The following PREX1 variants were observed in gnomAD, a reference collection of about 807,000 sequenced individuals.
The protein encoded by PREX1 is phosphatidylinositol 3,4,5-trisphosphate-dependent Rac exchanger 1 protein.
A neutral mutation model predicts 198.3 loss-of-function variants in PREX1; 41 were observed. The observed-to-expected ratio is 0.21, with a 90% CI of 0.16 to 0.27. PREX1 has a LOEUF of 0.27. PREX1 is among the 10% of genes least tolerant of loss of function. The pLI is 1.00. For synonymous variants in PREX1, 843 were observed against 887.2 expected, an observed-to-expected ratio of 0.95 and a Z score of 0.89; for missense variants, 1,620 against 2,200.7, an observed-to-expected ratio of 0.74 and a Z score of 5.28.
chr20:48,875,586 T>C, the PREX1 span, among the ~76,000 whole-genome samples: 1 of 152,264 alleles, frequency 6.6e-6, no homozygotes, highest in East Asian at 1.9e-4. Context: ...GTGTGATGAC[T>C]CTGGAGGGGA....
intron 8 of PREX1, chr20:48,692,350 AAAATGTTTAGTCAT>A (rs2089823725): frequency 4.4e-6 from 1 of 228,202 alleles, no homozygotes; most frequent in Non-Finnish European, 8.8e-6. Context: ...AATTTTAATT[AAAATGTTTAGTCAT>A]AAATGCTTAG....
chr20:48,637,781 G>A (rs763850556), intron 30 of PREX1, 29 bp from the exon 31 acceptor site: 1 of 1,598,818 alleles, frequency 6.3e-7, no homozygotes, highest in East Asian at 2.2e-5. Flanking sequence ...CAGAAAGGGG[G>A]ACGGGCTGGG....
intron 10 of PREX1, among the ~76,000 whole-genome samples, chr20:48,681,705 C>CGGAT (rs1211026440): frequency 7.3e-5 from 11 of 150,626 alleles, no homozygotes; most frequent in African/African-American, 2.7e-4. Flanking sequence ...GATGGATGGA[C>CGGAT]GGACGGATGG....
chr20:48,708,332 G>A lies in PREX1; in HGVS notation c.711C>T (p.Ile237=). The A allele has an allele frequency of 6.2e-7, 1 of 1,614,162 alleles. No homozygotes were observed. The highest frequency in any genetic ancestry group is 8.5e-7 in the Non-Finnish European group (1 of 1,180,042). The change falls in exon 6 of 40, where the codon ATC becomes ATT. Residue 237 remains isoleucine, a synonymous_variant. Transcript: ENST00000371941. ...TCTCCATCTGCCGCTTGGTCTCATT[G>A]ATGTTGGAGCAAACGGTCTTCATGG... ...LQAMKTVCSN[I]NETKRQMEKL...
intron 26 of PREX1, 96 bp from the exon 27 acceptor site, chr20:48,644,593 C>T (rs1470966986): frequency 4.5e-6 from 5 of 1,114,786 alleles, no homozygotes; most frequent in Non-Finnish European, 6.5e-6. Context: ...AGACAAAACC[C>T]CTGGGCCCTC....
At position 48,632,300 on chromosome 20, in the gene PREX1, A is replaced by T; in HGVS notation, c.4503T>A (p.Val1501=). The stretch of plus-strand genomic sequence containing the variant: ...ACCTGAGTTTGCGGTAATACTGCTG[A>T]ACTTTCTCCAGGGACTGCGCGTTGA... ...QDINAQSLEK[V]QQYYRKLRAF... The change falls in exon 35 of 40, where the codon GTT becomes GTA. Residue 1501 remains valine (V), a synonymous_variant. Coordinates refer to ENST00000371941, the MANE Select transcript of PREX1 (RefSeq NM_020820.4). 1 of 1,614,120 alleles carries T rather than the reference A, an allele frequency of 6.2e-7. No homozygotes were observed. Among genetic ancestry groups the T allele is most frequent in the Non-Finnish European group, 8.5e-7 (1 of 1,180,024 alleles).
At chr20:48,797,181 AGAGG>A (rs2090366678) in intron 1 of PREX1, among the ~76,000 whole-genome samples, 1 of 152,098 alleles carries the variant, frequency 6.6e-6, no homozygotes, top group South Asian at 2.1e-4. Flanking sequence ...CCCCTTTACC[AGAGG>A]GAGCTCTTTG....
chr20:48,807,030 C>T (rs2090414855), intron 1 of PREX1, among the ~76,000 whole-genome samples: 1 of 152,172 alleles, frequency 6.6e-6, no homozygotes, highest in African/African-American at 2.4e-5. Context: ...CAGAACATAG[C>T]TGAAGATGGA....
Position 48,666,199 on chromosome 20 carries a change from G to A in PREX1, c.1738+84C>T. On this transcript the variant is annotated intron_variant, in intron 15 of 39. Coordinates refer to ENST00000371941, the MANE Select transcript of PREX1 (RefSeq NM_020820.4). This position sits in a 1 kb window ranked among gnomAD's most constrained non-coding sequence, Gnocchi z 4.3. Reference sequence around the variant, plus strand: ...CGGGGGTCTAGAGAGCCACAGACCTGGCTTCAGTCCTCCCATACTCCCCCA... The same window carrying A: ...CGGGGGTCTAGAGAGCCACAGACCTAGCTTCAGTCCTCCCATACTCCCCCA... 7.2e-7 allele frequency: 1 copy of A among 1,383,404 alleles called. No homozygotes were observed. The highest frequency in any genetic ancestry group is 1.4e-5 in the African/African-American group (1 of 69,598). 85.7% of individuals were successfully genotyped at this position (1,383,404 alleles called of 1,614,324 possible).
rs561649649 is a variant in PREX1, at chr20:48,635,572, G to A, written c.4168-797C>T. ...TTGTACATGCTGGTCCCTCTACCCC[G>A]CACACTCTTCCTCACACTGTCTGCC... On this transcript the variant is annotated intron_variant, in intron 32 of 39. Coordinates refer to ENST00000371941, the MANE Select transcript of PREX1 (RefSeq NM_020820.4). Among the ~76,000 whole-genome samples, 12 of 152,136 alleles carry A rather than the reference G, an allele frequency of 7.9e-5. No homozygotes were observed. The South Asian group carries it at 2.3e-3, about 29-fold the overall frequency.
chr20:48,762,126 T>A (rs926336474), intron 1 of PREX1, among the ~76,000 whole-genome samples: 1 of 152,200 alleles, frequency 6.6e-6, no homozygotes, highest in Non-Finnish European at 1.5e-5. Flanking sequence ...CAGACATCAC[T>A]AATGGAATGC....
In PREX1 at chr20:48,644,845, G is replaced by A. The variant is rs188582746; in HGVS notation, c.3513-348C>T. Reference sequence around the variant, plus strand: ...CCCATTCCACAGGGCTCTGTCTTCCGTCTCCTCAGCCCCCAGCCTGGCTGG... The same window carrying A: ...CCCATTCCACAGGGCTCTGTCTTCCATCTCCTCAGCCCCCAGCCTGGCTGG... On this transcript the variant is annotated intron_variant, in intron 26 of 39. Transcript: ENST00000371941. Among the ~76,000 whole-genome samples the A allele has an allele frequency of 1.9e-4, 29 of 152,360 alleles. No homozygotes were observed. In the South Asian group the frequency reaches 4.8e-3, roughly 25 times the overall value.
rs778984198 is a variant in PREX1 at position 48,688,756 on chromosome 20, T to C, written c.1235A>G (p.Lys412Arg). The change falls in exon 10 of 40, where the codon AAG becomes AGG. Residue 412 changes from lysine (K) to arginine (R), a missense_variant. Lys to Arg is a conservative substitution (Grantham distance 26). This residue lies in a region of PREX1 where 488 missense variants were observed against 802.5 expected (regional missense o/e 0.61). Transcript: ENST00000371941. ...ERDAYVMIAE[K>R]GEKLYHMMMN... ...CATCATGTGGTACAGCTTCTCCCCC[T>C]TCTCCGCAATCATGACGTAGGCATC... 6.2e-7 allele frequency: 1 copy of C among 1,614,186 alleles called. No homozygotes were observed.
chr20:48,658,958 A>G (rs56012801), intron 16 of PREX1, among the ~76,000 whole-genome samples: 26,596 of 151,826 alleles, frequency 0.18, 2,444 homozygotes, highest in Middle Eastern at 0.3. Flanking sequence ...GTCAGGCGCA[A>G]TGGCTCACGC....
rs765489380 is a variant in PREX1 at position 48,636,665 on chromosome 20, C to T, written c.3965G>A (p.Arg1322His). The T allele has an allele frequency of 1.9e-5, 30 of 1,606,984 alleles. No homozygotes were observed. In the South Asian group the frequency reaches 2.4e-4, roughly 13 times the overall value. Residue 1322 changes from arginine (R) to histidine (H), a missense_variant, in exon 32 of 40, where the codon CGC becomes CAC. By Grantham distance (29) the Arg-to-His change is conservative. Coordinates refer to ENST00000371941, the MANE Select transcript of PREX1 (RefSeq NM_020820.4). ...LKCTDTELQL[R>H]RDAIFCQALV... ...GGCCTGGCAGAAGATCGCGTCTCTG[C>T]GCAGCTGCAGCTCCGTGTCTGGGGG...
chr20:48,857,536 T>A, the PREX1 span, among the ~76,000 whole-genome samples: 9 of 149,766 alleles, frequency 6.0e-5, no homozygotes, highest in Non-Finnish European at 1.3e-4. Flanking sequence ...GACAGTTTTT[T>A]AAAAAAACCA....
intron 3 of PREX1, among the ~76,000 whole-genome samples, chr20:48,743,315 C>G (rs914556968): frequency 1.3e-5 from 2 of 152,186 alleles, no homozygotes; most frequent in African/African-American, 4.8e-5. Context: ...TTTCATTTTC[C>G]TATTCAAACA....
intron 28 of PREX1, 49 bp downstream of exon 28, chr20:48,642,358 G>GT: frequency 5.6e-6 from 9 of 1,603,864 alleles, no homozygotes; most frequent in Non-Finnish European, 7.7e-6. Flanking sequence ...CTCCCCAGGT[G>GT]TGACAGGAGG....
the PREX1 span, among the ~76,000 whole-genome samples, chr20:48,867,658 G>A: frequency 9.6e-6 from 1 of 104,532 alleles, no homozygotes; most frequent in African/African-American, 3.6e-5. Flanking sequence ...CAGGAGAATC[G>A]CTTGAGAGGC....
Sources: gnomAD v4.1 joint callset for allele counts (sites outside exome capture counted in the v4.1 genomes callset) on GRCh38, gnomAD v4.1.1 for gene constraint, gnomAD v4.1.1 regional missense constraint, Gnocchi (gnomAD v3.1) non-coding constraint, MANE v1.5 for transcripts, NCBI Gene and HGNC (gene_info 2026-07-23, HGNC 2026-07-21) for gene names.